VSNL1: variants seen among roughly 807,000 people sequenced by gnomAD.
VSNL1 encodes visinin like 1.
In VSNL1, 6 loss-of-function variants were observed where a neutral mutation model predicts 20.4. The observed-to-expected ratio is 0.29, with a 90% CI of 0.16 to 0.58. The LOEUF is 0.58. Ranked by LOEUF, VSNL1 falls within the 20% of genes least tolerant of loss-of-function variation. The probability of loss-of-function intolerance (pLI) is 0.90; values close to 1 mark genes in which losing one functional copy is unlikely to be tolerated. For synonymous variants in VSNL1, 93 were observed against 86.4 expected (o/e 1.08, Z -0.42); for missense variants, 100 against 234.5 (o/e 0.43, Z 3.75).
intron 1 of VSNL1, among the ~76,000 whole-genome samples, chr2:17,576,827 A>G (rs1664226749): frequency 6.6e-6 from 1 of 151,560 alleles, no homozygotes; most frequent in African/African-American, 2.4e-5. Flanking sequence ...TCAGTTTACT[A>G]TTTGTGTTTA....
Position 17,634,001 on chromosome 2 carries a change from T to G in VSNL1, c.163-15409T>G, listed in dbSNP as rs1212471600. Among the ~76,000 whole-genome samples the G allele has an allele frequency of 6.6e-6, 1 of 152,052 alleles. No homozygotes were observed. Among genetic ancestry groups the G allele is most frequent in the Non-Finnish European group, 1.5e-5 (1 of 67,994 alleles). ...CATGGATCGGCACCAGCTTGGAGTG[T>G]CTGAGGAGGTGAGGGTGGTGGAGAA... On this transcript the variant is annotated intron_variant, in intron 2 of 3. Coordinates refer to ENST00000295156, the MANE Select transcript of VSNL1 (RefSeq NM_003385.5). The surrounding 1 kb of genome is among the most constrained non-coding windows in gnomAD (Gnocchi z 4.3).
At chr2:17,608,786 T>C (rs1665012803) in intron 2 of VSNL1, among the ~76,000 whole-genome samples, 2 of 152,182 alleles carry the variant, frequency 1.3e-5, no homozygotes, top group Non-Finnish European at 2.9e-5. Flanking sequence ...AATCTCACCA[T>C]TTAGTTTTAC....
chr2:17,608,979 T>C (rs1205253893), intron 2 of VSNL1, among the ~76,000 whole-genome samples: 6 of 152,316 alleles, frequency 3.9e-5, no homozygotes, highest in African/African-American at 1.4e-4. Flanking sequence ...TGTCTGATTT[T>C]CTACATACAT....
At chr2:17,610,582 G>T (rs1171173890) in intron 2 of VSNL1, among the ~76,000 whole-genome samples, 1 of 152,116 alleles carries the variant, frequency 6.6e-6, no homozygotes, top group African/African-American at 2.4e-5. Context: ...TGCAAGGCAA[G>T]ATCCTAGATA....
In VSNL1 at chr2:17,630,302, T is replaced by G. The variant is rs145599698; in HGVS notation, c.163-19108T>G. On this transcript the variant is annotated intron_variant, in intron 2 of 3. Coordinates refer to ENST00000295156, the MANE Select transcript of VSNL1 (RefSeq NM_003385.5). ...TTTTAGCCCAGAGTGCCCTCTTGAG[T>G]CATTCCCTCAGGCTCAATGCCCTTA... is the stretch of plus-strand genomic sequence containing the variant. 8.3e-4 allele frequency among the ~76,000 whole-genome samples: 126 copies of G among 152,296 alleles called. 2 individuals are homozygous for G. The highest frequency in any genetic ancestry group is 6.6e-4 in the Non-Finnish European group (45 of 68,016).
intron 2 of VSNL1, among the ~76,000 whole-genome samples, chr2:17,609,652 G>A (rs1572363331): frequency 2.0e-5 from 3 of 152,308 alleles, no homozygotes; most frequent in Admixed American, 6.5e-5. Flanking sequence ...AGTGGTTAGT[G>A]CTAAAATACC....
At chr2:17,597,632 G>T (rs1166183716) in intron 2 of VSNL1, among the ~76,000 whole-genome samples, 2 of 152,200 alleles carry the variant, frequency 1.3e-5, no homozygotes, top group Non-Finnish European at 2.9e-5. Context: ...GTCATTCCCT[G>T]TCCCTCTAGG....
chr2:17,587,226 A>G (rs1344448832), intron 1 of VSNL1, among the ~76,000 whole-genome samples: 1 of 152,132 alleles, frequency 6.6e-6, no homozygotes, highest in East Asian at 1.9e-4. Flanking sequence ...AGCTAGGCTG[A>G]TTGCTAGATT....
chr2:17,614,378 G>A (rs892231178), intron 2 of VSNL1, among the ~76,000 whole-genome samples: 23 of 152,240 alleles, frequency 1.5e-4, no homozygotes, highest in African/African-American at 5.1e-4. Context: ...GCACCAGGCA[G>A]TGCATCTGAC....
intron 1 of VSNL1, among the ~76,000 whole-genome samples, chr2:17,548,293 C>T (rs2103336796): frequency 6.6e-6 from 1 of 151,112 alleles, no homozygotes; most frequent in South Asian, 2.1e-4. Context: ...TTCAGGTTTT[C>T]CCCCCTTCTT....
At position 17,555,149 on chromosome 2, in the gene VSNL1, A is replaced by G. The variant is rs1420675150; in HGVS notation, c.-6+14231A>G. Among the ~76,000 whole-genome samples the G allele has an allele frequency of 2.0e-5, 3 of 152,186 alleles. No homozygotes were observed. In the East Asian group the frequency reaches 5.8e-4, roughly 29 times the overall value. ...TTTGAATGTAAGTTTGCTGCTTTTT[A>G]TGGCAGAGGCTTGGGCCCTAGAAAG... On this transcript the variant is annotated intron_variant, in intron 1 of 3. Transcript: ENST00000295156.
intron 2 of VSNL1, among the ~76,000 whole-genome samples, chr2:17,605,401 G>GA (rs1572360530): frequency 6.6e-6 from 1 of 152,070 alleles, no homozygotes; most frequent in African/African-American, 2.4e-5. Context: ...GCTTCTATGT[G>GA]AAAAAAAGTT....
At chr2:17,556,597 GA>G (rs1416044939) in intron 1 of VSNL1, among the ~76,000 whole-genome samples, 3 of 152,180 alleles carry the variant, frequency 2.0e-5, no homozygotes, top group African/African-American at 7.2e-5. Context: ...CAGAGCGGGG[GA>G]TAGGGTAGAT....
intron 2 of VSNL1, among the ~76,000 whole-genome samples, chr2:17,627,544 C>A (rs143802873): frequency 8.7e-4 from 132 of 152,220 alleles, no homozygotes; most frequent in Non-Finnish European, 1.4e-3. Context: ...GGGTAGGGGT[C>A]CAGTGAATCG....
chr2:17,614,604 C>T lies in VSNL1; in HGVS notation c.162+22368C>T, dbSNP rs541920997. 1.1e-3 allele frequency among the ~76,000 whole-genome samples: 173 copies of T among 152,316 alleles called. 1 individual carries two copies. Among genetic ancestry groups the T allele is most frequent in the African/African-American group, 4.0e-3 (165 of 41,580 alleles). ...CAGCTGTGGCCAACCCCAAGGAGGG[C>T]ATTTATCCCCTCAGGGTCAGATCCA... is the stretch of plus-strand genomic sequence containing the variant. On this transcript the variant is annotated intron_variant, in intron 2 of 3. Coordinates refer to ENST00000295156, the MANE Select transcript of VSNL1 (RefSeq NM_003385.5).
chr2:17,565,036 G>A lies in VSNL1; in HGVS notation c.-6+24118G>A, dbSNP rs546566461. ...ATGCTTTAAATTAGCAAAATTTTTAGAGTTATGGGACAATTTTCTTTTTAG... is the reference window on the plus strand; with the variant it reads ...ATGCTTTAAATTAGCAAAATTTTTAAAGTTATGGGACAATTTTCTTTTTAG... On this transcript the variant is annotated intron_variant, in intron 1 of 3. Coordinates refer to ENST00000295156, the MANE Select transcript of VSNL1 (RefSeq NM_003385.5). 5.3e-5 allele frequency among the ~76,000 whole-genome samples: 8 copies of A among 152,222 alleles called. No homozygotes were observed. In the South Asian group the frequency reaches 1.7e-3, roughly 32 times the overall value.
chr2:17,585,800 CTTTTTTTCTT>C (rs1185870895), intron 1 of VSNL1, among the ~76,000 whole-genome samples: 2 of 148,212 alleles, frequency 1.3e-5, no homozygotes, highest in African/African-American at 5.1e-5. Context: ...TCTTGGAATT[CTTTTTTTCTT>C]TTTTTTTTTT....
At chr2:17,651,648 GCACCAA>G (rs2103432540) in intron 3 of VSNL1, among the ~76,000 whole-genome samples, 1 of 152,366 alleles carries the variant, frequency 6.6e-6, no homozygotes, top group East Asian at 1.9e-4. Context: ...GCTCCCGGCA[GCACCAA>G]GGCCCGGTGG....
chr2:17,553,789 G>T (rs1663608624), intron 1 of VSNL1, among the ~76,000 whole-genome samples: 1 of 152,192 alleles, frequency 6.6e-6, no homozygotes, highest in Non-Finnish European at 1.5e-5. Flanking sequence ...AAATTGTTGT[G>T]AGGACTAGAA....
Sources: gnomAD v4.1 joint callset for allele counts (sites outside exome capture counted in the v4.1 genomes callset) on GRCh38, gnomAD v4.1.1 for gene constraint, Gnocchi (gnomAD v3.1) non-coding constraint, MANE v1.5 for transcripts, NCBI Gene and HGNC (gene_info 2026-07-23, HGNC 2026-07-21) for gene names.